Variants in PRKG1 observed in about 807,000 individuals in gnomAD.
PRKG1 encodes the protein cGMP-dependent protein kinase 1.
In PRKG1, 35 loss-of-function variants were observed where a neutral mutation model predicts 88.1. That is an observed-to-expected ratio of 0.40 (90% CI 0.30 to 0.53). The LOEUF (loss-of-function observed/expected upper bound fraction) is 0.53. Among genes scored for constraint, PRKG1 ranks in the 20% least tolerant of loss-of-function variants. PRKG1 has a pLI of 0.59. For missense variants in PRKG1, 540 were observed against 839.8 expected (o/e 0.64, Z 4.41); for synonymous variants, 303 against 292.5 (o/e 1.04, Z -0.37).
chr10:51,697,592 G>A, intron 3 of PRKG1: 1 of 1,094,058 alleles, frequency 9.1e-7, no homozygotes, highest in Non-Finnish European at 1.3e-6. Flanking sequence ...TCTAGGAGGA[G>A]GGAAACCCTA....
intron 7 of PRKG1, among the ~76,000 whole-genome samples, chr10:52,124,133 A>G (rs1847880606): frequency 1.3e-5 from 2 of 152,210 alleles, no homozygotes; most frequent in African/African-American, 4.8e-5. Flanking sequence ...AGGAAGCAGG[A>G]CAGAGTAAGA....
chr10:51,668,431 A>G (rs1432505502), intron 3 of PRKG1, among the ~76,000 whole-genome samples: 2 of 152,210 alleles, frequency 1.3e-5, no homozygotes, highest in Non-Finnish European at 2.9e-5. Flanking sequence ...GTTTTGAGAC[A>G]GGGTCTTGTT....
intron 2 of PRKG1, among the ~76,000 whole-genome samples, chr10:51,273,646 C>T (rs1254524878): frequency 6.6e-6 from 1 of 152,216 alleles, no homozygotes; most frequent in Non-Finnish European, 1.5e-5. Flanking sequence ...AACATTTAAA[C>T]ACTGGGACAT....
chr10:51,981,490 G>A (rs116603380), intron 5 of PRKG1, among the ~76,000 whole-genome samples: 1,801 of 152,212 alleles, frequency 0.012, 41 homozygotes, highest in African/African-American at 0.041. Flanking sequence ...GGAGACTGAA[G>A]CAGTATAATT....
chr10:51,239,610 C>A (rs1345210248), intron 2 of PRKG1, among the ~76,000 whole-genome samples: 2 of 152,184 alleles, frequency 1.3e-5, no homozygotes, highest in African/African-American at 2.4e-5. Context: ...CCCCCCTCAA[C>A]ACTAGACAGA....
chr10:52,035,259 T>C (rs947378483), intron 5 of PRKG1, among the ~76,000 whole-genome samples: 1 of 152,118 alleles, frequency 6.6e-6, no homozygotes, highest in African/African-American at 2.4e-5. Context: ...ACTCAGGGCA[T>C]GTTGAGTAAA....
intron 9 of PRKG1, among the ~76,000 whole-genome samples, chr10:52,238,596 A>T (rs1840756074): frequency 6.6e-6 from 1 of 150,926 alleles, no homozygotes; most frequent in South Asian, 2.1e-4. Context: ...GCCATCAGAG[A>T]AATGCAAATC....
At chr10:51,871,644 G>A (rs1450930611) in intron 4 of PRKG1, among the ~76,000 whole-genome samples, 1 of 152,178 alleles carries the variant, frequency 6.6e-6, no homozygotes, top group Non-Finnish European at 1.5e-5. Context: ...GTCCATCCCA[G>A]CAAAAAGGTT....
At chr10:52,246,876 CA>C (rs756775020) in intron 9 of PRKG1, among the ~76,000 whole-genome samples, 552 of 57,222 alleles carry the variant, frequency 9.6e-3, no homozygotes, top group African/African-American at 0.029. Context: ...AACACAGTCT[CA>C]AAAAAAAAAA....
At chr10:51,635,515 CT>C (rs1839636101) in intron 3 of PRKG1, among the ~76,000 whole-genome samples, 1 of 152,006 alleles carries the variant, frequency 6.6e-6, no homozygotes, top group Admixed American at 6.6e-5. Context: ...CCAAAACTCA[CT>C]TGTGGGTCAG....
intron 3 of PRKG1, among the ~76,000 whole-genome samples, chr10:51,493,975 T>C (rs1471220195): frequency 6.6e-6 from 1 of 152,204 alleles, no homozygotes; most frequent in Non-Finnish European, 1.5e-5. Context: ...CAGATAGGAA[T>C]GGACACCAGT....
intron 1 of PRKG1, among the ~76,000 whole-genome samples, chr10:51,079,334 C>T (rs1844047377): frequency 1.3e-5 from 2 of 151,942 alleles, no homozygotes; most frequent in Admixed American, 1.3e-4. Flanking sequence ...TATAATCAAG[C>T]CTGTTTGGTT....
chr10:51,375,742 G>A (rs1442743427), intron 2 of PRKG1, among the ~76,000 whole-genome samples: 1 of 143,972 alleles, frequency 6.9e-6, no homozygotes, highest in Admixed American at 6.9e-5. Flanking sequence ...TATATAATAT[G>A]AGTGTTGGTG....
At chr10:52,005,460 G>A (rs1189013534) in intron 5 of PRKG1, among the ~76,000 whole-genome samples, 2 of 152,076 alleles carry the variant, frequency 1.3e-5, no homozygotes, top group African/African-American at 4.8e-5. Flanking sequence ...GGACAGCAAA[G>A]TGTGTGACCC....
intron 2 of PRKG1, among the ~76,000 whole-genome samples, chr10:51,194,056 T>A (rs1406134817): frequency 6.6e-6 from 1 of 152,148 alleles, no homozygotes; most frequent in Non-Finnish European, 1.5e-5. Flanking sequence ...TTCAAATTCA[T>A]TAATTTCAAA....
chr10:51,005,526 G>C (rs988177769), intron 1 of PRKG1, among the ~76,000 whole-genome samples: 8 of 152,194 alleles, frequency 5.3e-5, no homozygotes. Flanking sequence ...AAAAGGAAAT[G>C]AGATGGTTTA....
At chr10:51,977,298 T>C (rs1382817255) in intron 5 of PRKG1, among the ~76,000 whole-genome samples, 2 of 152,026 alleles carry the variant, frequency 1.3e-5, no homozygotes, top group Admixed American at 6.6e-5. Context: ...AAAGATATGA[T>C]CTTATTCGTT....
chr10:51,767,553 T>C (rs1418395260), intron 3 of PRKG1, among the ~76,000 whole-genome samples: 2 of 152,176 alleles, frequency 1.3e-5, no homozygotes, highest in Admixed American at 6.5e-5. Context: ...ATCAGAAGAC[T>C]TGGGTTTCAG....
chr10:51,804,771 A>G (rs1187383338), intron 4 of PRKG1, 81 bp downstream of exon 4: 4 of 1,006,632 alleles, frequency 4.0e-6, no homozygotes, highest in Admixed American at 2.3e-5. Flanking sequence ...CCTGAATTTC[A>G]GGGTGCTTTT....
Sources: gnomAD v4.1 joint callset for allele counts (sites outside exome capture counted in the v4.1 genomes callset) on GRCh38, gnomAD v4.1.1 for gene constraint, MANE v1.5 for transcripts, NCBI Gene and HGNC (gene_info 2026-07-23, HGNC 2026-07-21) for gene names.